The following GPR176 variants were observed in gnomAD, a reference collection of about 807,000 sequenced individuals.
The protein encoded by GPR176 is G protein-coupled receptor 176.
Under a neutral mutation model 35.4 loss-of-function variants are expected in GPR176, and 26 were observed. The ratio of observed to expected loss-of-function variants is 0.74; its 90% confidence interval spans 0.54 to 1.02. GPR176 has a LOEUF of 1.02. Ranked by LOEUF, GPR176 falls within the 50% of genes least tolerant of loss-of-function variation. The pLI, the probability that GPR176 is intolerant of heterozygous loss-of-function variation, is 0.00. For missense variants in GPR176, 597 were observed against 665.3 expected (o/e 0.90, Z 1.13); for synonymous variants, 278 against 271.3 (o/e 1.02, Z -0.24).
intron 2 of GPR176, among the ~76,000 whole-genome samples, chr15:39,803,271 CTTTTTTTTTTTT>C (rs769645892): frequency 1.2e-5 from 1 of 85,542 alleles, no homozygotes; most frequent in Non-Finnish European, 2.3e-5. Flanking sequence ...ACAAGTACTT[CTTTTTTTTTTTT>C]TTTTTTTTTT....
At chr15:39,812,604 T>G (rs1899641501) in intron 1 of GPR176, among the ~76,000 whole-genome samples, 1 of 152,210 alleles carries the variant, frequency 6.6e-6, no homozygotes, top group African/African-American at 2.4e-5. Context: ...GACGGCCTAC[T>G]GTGGGACTTC....
intron 1 of GPR176, chr15:39,909,941 G>C: frequency 2.1e-6 from 2 of 940,206 alleles, no homozygotes; most frequent in Non-Finnish European, 2.5e-6. Context: ...ATTTTCACAA[G>C]GAAACATTTT....
chr15:39,812,862 G>A (rs1194696726), intron 1 of GPR176, among the ~76,000 whole-genome samples: 1 of 151,822 alleles, frequency 6.6e-6, no homozygotes, highest in Middle Eastern at 3.4e-3. Flanking sequence ...TCCTGCCTCA[G>A]CCTCCCAAGT....
chr15:39,819,144 A>G (rs1900104743), intron 1 of GPR176, among the ~76,000 whole-genome samples: 1 of 152,228 alleles, frequency 6.6e-6, no homozygotes, highest in African/African-American at 2.4e-5. Flanking sequence ...ACCCATTGTT[A>G]AGCATGCTCC....
rs1899250786 is a variant in GPR176, at chr15:39,807,209, A to T, written c.222T>A (p.Ser74=). ...WSTCRTTVFK[S]VTNRFIKNLA... ...GGTTTTTAATGAACCTGTTGGTGAC[A>T]GATTTGAACACGGTTGTGCGGCAAG... Residue 74 remains serine (S), a synonymous_variant, in exon 2 of 3, where the codon TCT becomes TCA. Coordinates refer to ENST00000561100, the MANE Select transcript of GPR176 (RefSeq NM_007223.3). The T allele has an allele frequency of 6.8e-6, 11 of 1,612,756 alleles. No individual in the cohort carries two copies. The highest frequency in any genetic ancestry group is 9.3e-6 in the Non-Finnish European group (11 of 1,179,334).
intron 1 of GPR176, among the ~76,000 whole-genome samples, chr15:39,881,483 TG>T (rs2032473384): frequency 6.6e-6 from 1 of 152,190 alleles, no homozygotes; most frequent in South Asian, 2.1e-4. Context: ...TGAGAGAAAT[TG>T]TTTTATTCCC....
intron 1 of GPR176, among the ~76,000 whole-genome samples, chr15:39,906,457 C>T (rs1327501902): frequency 1.3e-5 from 2 of 152,196 alleles, no homozygotes; most frequent in Non-Finnish European, 2.9e-5. Context: ...GCCTCTCGGC[C>T]ACTCTTCCAT....
chr15:39,851,152 T>C (rs192056400), intron 1 of GPR176, among the ~76,000 whole-genome samples: 2 of 152,310 alleles, frequency 1.3e-5, no homozygotes, highest in East Asian at 3.9e-4. Flanking sequence ...ACATTTGAGA[T>C]TTAAGATTTA....
intron 1 of GPR176, among the ~76,000 whole-genome samples, chr15:39,837,243 G>A (rs918481920): frequency 1.1e-4 from 17 of 152,012 alleles, no homozygotes; most frequent in Non-Finnish European, 1.9e-4. Flanking sequence ...TCTACTCACA[G>A]GATAAAATCT....
intron 1 of GPR176, among the ~76,000 whole-genome samples, chr15:39,818,599 C>G (rs1374267620): frequency 1.3e-5 from 2 of 152,182 alleles, no homozygotes; most frequent in African/African-American, 4.8e-5. Context: ...TTAGGTGAGT[C>G]TACAACAAAT....
chr15:39,816,023 T>C (rs1457704778), intron 1 of GPR176, among the ~76,000 whole-genome samples: 1 of 152,216 alleles, frequency 6.6e-6, no homozygotes, highest in African/African-American at 2.4e-5. Flanking sequence ...GAGGAGATTA[T>C]ATTACATGAA....
At chr15:39,809,258 G>A (rs1899383954) in intron 1 of GPR176, among the ~76,000 whole-genome samples, 1 of 152,052 alleles carries the variant, frequency 6.6e-6, no homozygotes, top group African/African-American at 2.4e-5. Context: ...CTAAACCTCT[G>A]CTCTCGCTCT....
Position 39,886,960 on chromosome 15 carries a change from G to A in GPR176, c.172+32895C>T, listed in dbSNP as rs557784512. Reference sequence around the variant, plus strand: ...TCAAGCAGTCTGCATTTGTTCCAATGGGCCATACGTTGGGACCCCAAGGGA... The same window carrying A: ...TCAAGCAGTCTGCATTTGTTCCAATAGGCCATACGTTGGGACCCCAAGGGA... On this transcript the variant is annotated intron_variant, in intron 1 of 2. Coordinates refer to ENST00000561100, the MANE Select transcript of GPR176 (RefSeq NM_007223.3). Among the ~76,000 whole-genome samples the A allele has an allele frequency of 5.6e-4, 86 of 152,226 alleles. 1 individual carries two copies. Among genetic ancestry groups the A allele is most frequent in the Middle Eastern group, 6.8e-3 (2 of 294 alleles).
At chr15:39,846,460 C>T (rs1052831769) in intron 1 of GPR176, among the ~76,000 whole-genome samples, 9 of 152,216 alleles carry the variant, frequency 5.9e-5, no homozygotes, top group African/African-American at 1.7e-4. Flanking sequence ...AGATGGGGAA[C>T]CTGAACATCT....
At chr15:39,844,535 A>G (rs928462878) in intron 1 of GPR176, among the ~76,000 whole-genome samples, 11 of 152,090 alleles carry the variant, frequency 7.2e-5, no homozygotes, top group Admixed American at 1.3e-4. Flanking sequence ...TCTTCTTTCA[A>G]TCTGTTCCGA....
chr15:39,846,761 GC>G (rs1316385316), intron 1 of GPR176, among the ~76,000 whole-genome samples: 7 of 152,026 alleles, frequency 4.6e-5, no homozygotes, highest in Non-Finnish European at 5.9e-5. Context: ...TGAAGGAGAA[GC>G]AGACCTACTC....
chr15:39,906,975 C>T (rs969699926), intron 1 of GPR176, among the ~76,000 whole-genome samples: 2 of 152,138 alleles, frequency 1.3e-5, no homozygotes, highest in African/African-American at 4.8e-5. Context: ...AGGGAGAACA[C>T]CACACAAACA....
chr15:39,800,153 C>T lies in GPR176; in HGVS notation c.*979G>A, dbSNP rs1211563154. The T allele has an allele frequency of 6.6e-6, 1 of 152,182 alleles. No homozygotes were observed. The highest frequency in any genetic ancestry group is 2.4e-5 in the African/African-American group (1 of 41,442). The allele number at this position is 152,182 out of a possible 1,614,324, so 9.4% of individuals were successfully genotyped here. A position where few individuals can be genotyped will look rare whatever the true frequency, so the allele number is the denominator to read the frequency against. ...TGATGTTTCCAAAGGACCCAGCTTACACTAACTCTCCATTTTAAAAATACC... is the reference window on the plus strand; with the variant it reads ...TGATGTTTCCAAAGGACCCAGCTTATACTAACTCTCCATTTTAAAAATACC... On this transcript the variant is annotated 3_prime_UTR_variant, in exon 3 of 3. Transcript: ENST00000561100.
chr15:39,857,690 A>C (rs961693641), intron 1 of GPR176, among the ~76,000 whole-genome samples: 3 of 151,320 alleles, frequency 2.0e-5, no homozygotes, highest in African/African-American at 7.3e-5. Context: ...AAAAAAGGGC[A>C]GGGCGCGGTG....
Sources: gnomAD v4.1 joint callset for allele counts (sites outside exome capture counted in the v4.1 genomes callset) on GRCh38, gnomAD v4.1.1 for gene constraint, MANE v1.5 for transcripts, NCBI Gene and HGNC (gene_info 2026-07-23, HGNC 2026-07-21) for gene names.